Variants in KDM6A observed in about 807,000 individuals in gnomAD.
The protein encoded by KDM6A is lysine-specific demethylase 6A.
A neutral mutation model predicts 117.6 loss-of-function variants in KDM6A; 11 were observed. That is an observed-to-expected ratio of 0.09 (90% CI 0.06 to 0.15). The LOEUF (loss-of-function observed/expected upper bound fraction) is 0.15, where lower values mean the gene tolerates loss of function less well. KDM6A is among the 10% of genes least tolerant of loss of function. KDM6A has a pLI of 1.00. For synonymous variants in KDM6A, 384 were observed against 396.1 expected (o/e 0.97, Z 0.36); for missense variants, 799 against 1,077.3 (o/e 0.74, Z 3.62).
intron 6 of KDM6A, among the ~76,000 whole-genome samples, chrX:45,032,743 A>G (rs1288581158): frequency 2.7e-5 from 3 of 111,309 alleles, no homozygotes; most frequent in African/African-American, 9.8e-5. Flanking sequence ...GAGCTACTGT[A>G]CCCAACCAAT....
At chrX:44,877,281 G>A in intron 2 of KDM6A, among the ~76,000 whole-genome samples, 1 of 111,215 alleles carries the variant, frequency 9.0e-6, no homozygotes, top group Middle Eastern at 4.7e-3. Context: ...AAAAAAATAA[G>A]GTAGTTAATA....
intron 4 of KDM6A, among the ~76,000 whole-genome samples, chrX:44,990,553 C>CATAAATAA (rs373439965): frequency 0.36 from 34,114 of 93,591 alleles, 5,200 homozygotes; most frequent in African/African-American, 0.42. Context: ...TGTCTCAAAA[C>CATAAATAA]ATAAATAAAT....
intron 5 of KDM6A, among the ~76,000 whole-genome samples, chrX:45,011,311 G>C (rs1214272319): frequency 4.5e-5 from 5 of 111,235 alleles, no homozygotes; most frequent in African/African-American, 1.6e-4. Flanking sequence ...ATTATGGACT[G>C]GTGTTCCCCA....
intron 27 of KDM6A, among the ~76,000 whole-genome samples, chrX:45,102,751 T>A (rs980447386): frequency 8.9e-6 from 1 of 112,090 alleles, no homozygotes; most frequent in Non-Finnish European, 1.9e-5. Context: ...GCTTTCATGC[T>A]TTTTTCCCCC....
At chrX:45,111,267 C>T in intron 29 of KDM6A, 115 bp from the exon 30 acceptor site, 1 of 585,220 alleles carries the variant, frequency 1.7e-6, no homozygotes, top group Non-Finnish European at 3.0e-6. Context: ...GCATAGCAGG[C>T]TGTTGAACTT....
chrX:45,000,296 A>G (rs892514522), intron 4 of KDM6A, among the ~76,000 whole-genome samples: 2 of 112,092 alleles, frequency 1.8e-5, no homozygotes, highest in Non-Finnish European at 3.8e-5. Context: ...TCCTGCAGCT[A>G]TTTGATTTCA....
At chrX:45,045,979 C>T (rs952122249) in intron 8 of KDM6A, among the ~76,000 whole-genome samples, 3 of 111,050 alleles carry the variant, frequency 2.7e-5, no homozygotes, top group Non-Finnish European at 5.7e-5. Context: ...GTATTACATC[C>T]GAACCTAATA....
intron 2 of KDM6A, among the ~76,000 whole-genome samples, chrX:44,946,905 T>G (rs2037670126): frequency 8.9e-6 from 1 of 111,926 alleles, no homozygotes; most frequent in Admixed American, 9.5e-5. Context: ...TTTCTGTATC[T>G]TTATTGTGAC....
chrX:45,054,164 C>T (rs1425819245), intron 10 of KDM6A, among the ~76,000 whole-genome samples: 1 of 111,521 alleles, frequency 9.0e-6, no homozygotes, highest in African/African-American at 3.3e-5. Context: ...TCTAGCAGGA[C>T]GTTTCTTATT....
intron 5 of KDM6A, among the ~76,000 whole-genome samples, chrX:45,020,125 A>G (rs1029722987): frequency 1.8e-5 from 2 of 111,820 alleles, no homozygotes; most frequent in African/African-American, 6.5e-5. Context: ...TTAACCGCAC[A>G]TAGTATAAAA....
intron 3 of KDM6A, among the ~76,000 whole-genome samples, chrX:44,971,523 C>T (rs1264660256): frequency 9.0e-6 from 1 of 111,271 alleles, no homozygotes; most frequent in Non-Finnish European, 1.9e-5. Flanking sequence ...CATTAACTTC[C>T]ATTTTTGGTA....
chrX:44,908,561 A>AGAAGCT (rs1323190239), intron 2 of KDM6A, among the ~76,000 whole-genome samples: 1 of 111,462 alleles, frequency 9.0e-6, no homozygotes, highest in Non-Finnish European at 1.9e-5. Flanking sequence ...GTAGTTATAT[A>AGAAGCT]GAAGCTCAGG....
intron 2 of KDM6A, among the ~76,000 whole-genome samples, chrX:44,929,437 C>T (rs1204880769): frequency 9.0e-6 from 1 of 111,098 alleles, no homozygotes; most frequent in East Asian, 2.8e-4. Flanking sequence ...TTTTGTCTGG[C>T]TTCTTTCAGC....
At position 45,072,302 on chromosome X, in the gene KDM6A, T is replaced by C. The variant is rs73490999; in HGVS notation, c.2858+1945T>C. 7.5e-3 allele frequency among the ~76,000 whole-genome samples: 840 copies of C among 111,718 alleles called. 14 individuals carry two copies. The highest frequency in any genetic ancestry group is 0.026 in the African/African-American group (805 of 30,756). On this transcript the variant is annotated intron_variant, in intron 18 of 29. Transcript: ENST00000611820. ...AATTAATCTTAACTGTCTTACAAGATTTTTTAAGGTCAGTAACTTAAGAGG... is the reference window on the plus strand; with the variant it reads ...AATTAATCTTAACTGTCTTACAAGACTTTTTAAGGTCAGTAACTTAAGAGG...
rs763831273 is a variant in KDM6A, at chrX:44,985,042, G to C, written c.384+10327G>C. Among the ~76,000 whole-genome samples, 12 of 109,974 alleles carry C rather than the reference G, an allele frequency of 1.1e-4. No individual in the cohort carries two copies. The South Asian group carries it at 1.6e-3, about 15-fold the overall frequency. On this transcript the variant is annotated intron_variant, in intron 4 of 29. Transcript: ENST00000611820. ...CACGATATTGATTCTTCCTACCCAT[G>C]AGCATGGAATGTTCTTCCATTTGTT...
intron 8 of KDM6A, among the ~76,000 whole-genome samples, chrX:45,049,376 G>T (rs1932889245): frequency 9.0e-6 from 1 of 110,739 alleles, no homozygotes; most frequent in African/African-American, 3.3e-5. Flanking sequence ...GTGTTTTTTT[G>T]GTCATGTCCA....
chrX:44,951,328 A>G (rs745514245), intron 2 of KDM6A, among the ~76,000 whole-genome samples: 14 of 112,074 alleles, frequency 1.2e-4, no homozygotes, highest in African/African-American at 4.2e-4. Context: ...AGGAGTTGTC[A>G]TTCTGAAGCT....
intron 3 of KDM6A, among the ~76,000 whole-genome samples, chrX:44,963,440 A>AGTGTGTGT (rs747821170): frequency 0.013 from 885 of 69,820 alleles, 19 homozygotes; most frequent in East Asian, 0.052. Flanking sequence ...AGGGTGACAG[A>AGTGTGTGT]GTGTGTGTGT....
intron 4 of KDM6A, among the ~76,000 whole-genome samples, chrX:44,980,651 C>T (rs753370971): frequency 2.9e-5 from 3 of 101,924 alleles, no homozygotes; most frequent in Non-Finnish European, 5.9e-5. Context: ...TTATTGCATG[C>T]TGATCTAGTA....
Sources: allele counts gnomAD v4.1 joint callset (sites outside exome capture counted in the v4.1 genomes callset), GRCh38; gene constraint gnomAD v4.1.1; transcripts MANE v1.5; gene names NCBI Gene and HGNC (gene_info 2026-07-23, HGNC 2026-07-21).